Variants in SLF1 observed in about 807,000 individuals in gnomAD.
SLF1 encodes SMC5-SMC6 complex localization factor protein 1.
In SLF1, 105 loss-of-function variants were observed where a neutral mutation model predicts 123.0. The ratio of observed to expected loss-of-function variants is 0.85; its 90% confidence interval spans 0.73 to 1.00. SLF1 has a LOEUF of 1.00. Ranked by LOEUF, SLF1 falls within the 50% of genes least tolerant of loss-of-function variation. The pLI, the probability that SLF1 is intolerant of heterozygous loss-of-function variation, is 0.00. For missense variants in SLF1, 1,239 were observed against 1,223.0 expected (o/e 1.01, Z -0.20); for synonymous variants, 434 against 406.6 (o/e 1.07, Z -0.81).
chr5:94,645,275 C>T (rs746976216), intron 5 of SLF1, among the ~76,000 whole-genome samples: 2 of 152,142 alleles, frequency 1.3e-5, no homozygotes, highest in East Asian at 1.9e-4. Flanking sequence ...GAAAAGAACT[C>T]GCCTTAGGGT....
At chr5:94,638,333 C>T (rs1746045195) in intron 4 of SLF1, among the ~76,000 whole-genome samples, 1 of 152,116 alleles carries the variant, frequency 6.6e-6, no homozygotes, top group South Asian at 2.1e-4. Context: ...TGCCCGCCAC[C>T]ACGCCAGCTA....
chr5:94,637,811 C>T lies in SLF1; in HGVS notation c.432-5462C>T, dbSNP rs116288609. Among the ~76,000 whole-genome samples the T allele has an allele frequency of 2.8e-3, 420 of 152,090 alleles. 2 individuals carry two copies. The highest frequency in any genetic ancestry group is 9.8e-3 in the African/African-American group (407 of 41,476). ...ATGGCAGAACTAGCCCCCACTCTGC[C>T]GAAATGCAGTGTGGCGGTCCTTTCC... On this transcript the variant is annotated intron_variant, in intron 4 of 20. Coordinates refer to ENST00000265140, the MANE Select transcript of SLF1 (RefSeq NM_032290.4).
At chr5:94,678,025 A>G (rs1484239324) in intron 14 of SLF1, among the ~76,000 whole-genome samples, 1 of 151,402 alleles carries the variant, frequency 6.6e-6, no homozygotes, top group African/African-American at 2.4e-5. Flanking sequence ...GGTTCACGCC[A>G]TTCTTCTGCC....
rs994408115 is a variant in SLF1, at chr5:94,689,686, C to T, written c.2419+80C>T. On this transcript the variant is annotated intron_variant, in intron 18 of 20. Transcript: ENST00000265140. ...GTACTTGCAGGTTTCACACATTTGC[C>T]CTGATGAATACTTGAACTTAAATAT... 14 of 1,295,136 alleles carry T rather than the reference C, an allele frequency of 1.1e-5. No homozygotes were observed. The African/African-American group carries it at 1.9e-4, about 18-fold the overall frequency. 80.2% of individuals were successfully genotyped at this position (1,295,136 alleles called of 1,614,324 possible). A position where few individuals can be genotyped will look rare whatever the true frequency, so the allele number is the denominator to read the frequency against.
chr5:94,622,702 GA>G (rs1216709939), intron 1 of SLF1, among the ~76,000 whole-genome samples: 3 of 151,966 alleles, frequency 2.0e-5, no homozygotes, highest in African/African-American at 7.2e-5. Flanking sequence ...ATTTTGGGGG[GA>G]AAACTTTAGT....
intron 4 of SLF1, among the ~76,000 whole-genome samples, chr5:94,634,578 A>T (rs1223525490): frequency 2.6e-5 from 4 of 152,112 alleles, no homozygotes; most frequent in Non-Finnish European, 5.9e-5. Flanking sequence ...TTATTCATTG[A>T]TGTACACTTT....
intron 4 of SLF1, among the ~76,000 whole-genome samples, chr5:94,635,741 A>G (rs574496884): frequency 6.6e-6 from 1 of 152,018 alleles, no homozygotes; most frequent in South Asian, 2.1e-4. Flanking sequence ...AATTTATATT[A>G]TTTTCTAATT....
At chr5:94,690,329 G>A (rs1752929127) in intron 18 of SLF1, among the ~76,000 whole-genome samples, 1 of 152,098 alleles carries the variant, frequency 6.6e-6, no homozygotes, top group Non-Finnish European at 1.5e-5. Flanking sequence ...TGGAAATAGT[G>A]ACAGTGAAGC....
At chr5:94,626,731 A>T (rs1415645017) in intron 1 of SLF1, among the ~76,000 whole-genome samples, 5 of 152,168 alleles carry the variant, frequency 3.3e-5, no homozygotes, top group Non-Finnish European at 7.4e-5. Flanking sequence ...CTCCGAATTG[A>T]CTTACCCACA....
At chr5:94,657,799 A>T (rs1272276025) in intron 9 of SLF1, among the ~76,000 whole-genome samples, 1 of 151,942 alleles carries the variant, frequency 6.6e-6, no homozygotes, top group Non-Finnish European at 1.5e-5. Context: ...GTATGTAATG[A>T]CCTTCTTTAT....
intron 5 of SLF1, among the ~76,000 whole-genome samples, chr5:94,645,728 T>C (rs145051961): frequency 1.3e-5 from 2 of 152,332 alleles, no homozygotes; most frequent in East Asian, 3.9e-4. Context: ...CTCCAACTTA[T>C]ATTTGGTTTT....
At chr5:94,629,989 A>G (rs888328263) in intron 3 of SLF1, among the ~76,000 whole-genome samples, 5 of 152,326 alleles carry the variant, frequency 3.3e-5, no homozygotes, top group African/African-American at 1.2e-4. Flanking sequence ...TTAAGAAAAA[A>G]AAAAGAGTTG....
At chr5:94,624,505 A>G (rs967545755) in intron 1 of SLF1, among the ~76,000 whole-genome samples, 2 of 152,194 alleles carry the variant, frequency 1.3e-5, no homozygotes, top group Non-Finnish European at 2.9e-5. Flanking sequence ...TTTATACATG[A>G]AACCAAAATA....
chr5:94,686,782 TTTATTTAG>T (rs1585234245), intron 16 of SLF1, 64 bp downstream of exon 16: 81 of 1,474,186 alleles, frequency 5.5e-5, no homozygotes, highest in South Asian at 2.3e-4. Context: ...CTCAATTTTA[TTTATTTAG>T]TTATTTATTT....
intron 18 of SLF1, 26 bp downstream of exon 18, chr5:94,689,632 A>C (rs779742464): frequency 1.3e-6 from 2 of 1,586,500 alleles, no homozygotes; most frequent in Admixed American, 1.7e-5. Flanking sequence ...AAATTAATTT[A>C]TGCTAAGAAC....
chr5:94,625,484 A>G (rs1792155042), intron 1 of SLF1, among the ~76,000 whole-genome samples: 1 of 151,842 alleles, frequency 6.6e-6, no homozygotes, highest in African/African-American at 2.4e-5. Context: ...CCTGGGTTCA[A>G]GCAATTCTTC....
chr5:94,618,850 C>T lies in SLF1; in HGVS notation c.-1+85C>T, dbSNP rs575825517. 9.3e-4 allele frequency: 145 copies of T among 155,084 alleles called. 1 individual carries two copies. Among genetic ancestry groups the T allele is most frequent in the African/African-American group, 3.3e-3 (138 of 41,662 alleles). The allele number at this position is 155,084 out of a possible 1,614,324, so 9.6% of individuals were successfully genotyped here. On this transcript the variant is annotated intron_variant, in intron 1 of 20. Transcript: ENST00000265140. ...CCGGGCGGTACCTCCGAAGTTTCTG[C>T]CTCCCGGCTGTGAGGCTAGGAAGGA...
intron 1 of SLF1, among the ~76,000 whole-genome samples, chr5:94,628,009 T>C (rs767098598): frequency 9.9e-5 from 15 of 152,134 alleles, no homozygotes; most frequent in African/African-American, 3.1e-4. Flanking sequence ...GTATTTTTAA[T>C]GGAGACAGGG....
chr5:94,693,339 C>T (rs1753237640), intron 20 of SLF1, among the ~76,000 whole-genome samples: 1 of 151,892 alleles, frequency 6.6e-6, no homozygotes, highest in South Asian at 2.1e-4. Flanking sequence ...ATAAGTTCTA[C>T]CTCCTTAATG....
Sources: allele counts gnomAD v4.1 joint callset (sites outside exome capture counted in the v4.1 genomes callset), GRCh38; gene constraint gnomAD v4.1.1; transcripts MANE v1.5; gene names NCBI Gene and HGNC (gene_info 2026-07-23, HGNC 2026-07-21).